The following TATDN3 variants were observed in gnomAD, a reference collection of about 807,000 sequenced individuals.
TATDN3 encodes the protein TatD DNase domain containing 3, also known as deoxyribonuclease TATDN3.
A neutral mutation model predicts 40.1 loss-of-function variants in TATDN3; 29 were observed. The ratio of observed to expected loss-of-function variants is 0.72; its 90% confidence interval spans 0.54 to 0.99. The LOEUF (loss-of-function observed/expected upper bound fraction) is 0.99. TATDN3 is among the 50% of genes least tolerant of loss of function. The pLI is 0.00. For missense variants in TATDN3, 309 were observed against 321.9 expected (o/e 0.96, Z 0.31); for synonymous variants, 105 against 117.0 (o/e 0.90, Z 0.66).
rs778322295 is a variant in TATDN3 at position 212,814,990 on chromosome 1, T to G, written c.682-23T>G. 9.4e-6 allele frequency: 15 copies of G among 1,601,994 alleles called. 1 individual carries two copies. In the South Asian group the frequency reaches 1.6e-4, roughly 17 times the overall value. ...CTTCCCTTCAGTGTCATGTTTGACA[T>G]GGTGTCTGCTGTCTTGTTTCAGGTA... On this transcript the variant is annotated intron_variant, in intron 9 of 9. Coordinates refer to ENST00000366974, the MANE Select transcript of TATDN3 (RefSeq NM_001042552.3).
chr1:212,796,153 G>T (rs963635396), intron 2 of TATDN3, among the ~76,000 whole-genome samples: 2 of 152,182 alleles, frequency 1.3e-5, no homozygotes, highest in Non-Finnish European at 2.9e-5. Context: ...AGCCAGAAAT[G>T]GTTGTAGTGC....
intron 5 of TATDN3, among the ~76,000 whole-genome samples, 156 bp from the exon 6 acceptor site, chr1:212,804,164 G>A (rs973839677): frequency 2.4e-4 from 36 of 152,284 alleles, no homozygotes; most frequent in African/African-American, 7.9e-4. Context: ...ACCTGTTTTT[G>A]TGAATATTTT....
chr1:212,806,799 CAT>C lies in TATDN3; in HGVS notation c.488-931_488-930del, dbSNP rs1234986133. On this transcript the variant is annotated intron_variant, in intron 7 of 9. Coordinates refer to ENST00000366974, the MANE Select transcript of TATDN3 (RefSeq NM_001042552.3). ...ATATATATATACACACACACACACA[CAT>C]ATATACACATATATACACATATATA... Among the ~76,000 whole-genome samples, 364 of 91,560 alleles carry C rather than the reference CAT, an allele frequency of 4.0e-3. 53 individuals carry two copies. Among genetic ancestry groups the C allele is most frequent in the Middle Eastern group, 5.6e-3 (1 of 178 alleles). 60.1% of individuals were successfully genotyped at this position (91,560 alleles called of 152,430 possible).
At chr1:212,796,712 C>A (rs1558076187) in intron 3 of TATDN3, 122 bp downstream of exon 3, 4 of 645,788 alleles carry the variant, frequency 6.2e-6, no homozygotes, top group Non-Finnish European at 1.0e-5. Context: ...TTAACATAGC[C>A]CTAAAGAGAT....
At chr1:212,806,201 G>A (rs1344946145) in intron 7 of TATDN3, among the ~76,000 whole-genome samples, 1 of 152,074 alleles carries the variant, frequency 6.6e-6, no homozygotes, top group Non-Finnish European at 1.5e-5. Context: ...TATTGAGTTT[G>A]TGTCACTTAG....
At chr1:212,798,462 C>T (rs763983213) in intron 4 of TATDN3, among the ~76,000 whole-genome samples, 63 of 146,952 alleles carry the variant, frequency 4.3e-4, no homozygotes, top group Non-Finnish European at 6.4e-4. Flanking sequence ...TTTGGGAGGC[C>T]GAGATGGGAG....
At chr1:212,797,021 C>A in intron 3 of TATDN3, 91 bp from the exon 4 acceptor site, 1 of 968,274 alleles carries the variant, frequency 1.0e-6, no homozygotes, top group Non-Finnish European at 1.6e-6. Context: ...CAGACATAAG[C>A]CACCATGCCC....
rs1189007229 is a variant in TATDN3 at position 212,815,702 on chromosome 1, T to C, written c.*546T>C. ...CCATGCCCAGCTAATTTTGTATTTT[T>C]AGTAGAGACAGGGTTTCTCCATGTT... On this transcript the variant is annotated 3_prime_UTR_variant, in exon 10 of 10. Transcript: ENST00000366974. The C allele has an allele frequency of 2.0e-5, 3 of 152,298 alleles. No homozygotes were observed. Among genetic ancestry groups the C allele is most frequent in the African/African-American group, 7.2e-5 (3 of 41,398 alleles). The allele number at this position is 152,298 out of a possible 1,614,324, so 9.4% of individuals were successfully genotyped here. A position where few individuals can be genotyped will look rare whatever the true frequency, so the allele number is the denominator to read the frequency against.
In TATDN3 at chr1:212,812,255, A is replaced by G. The variant is rs1417604268; in HGVS notation, c.608A>G (p.Lys203Arg). 1.3e-6 allele frequency: 2 copies of G among 1,574,510 alleles called. No individual in the cohort carries two copies. Among genetic ancestry groups the G allele is most frequent in the East Asian group, 4.6e-5 (2 of 43,110 alleles). ...PSIIRSGQKQ[K>R]LVKQLPLTSI... ...CTTTCTCTTTTCTCTAAGAAGCAGA[A>G]ACTTGTGAAACAATTGCCTTTAACT... Residue 203 changes from lysine (K) to arginine (R), a missense_variant, in exon 9 of 10, where the codon AAA becomes AGA. By Grantham distance (26) the Lys-to-Arg change is conservative (BLOSUM62 2). Coordinates refer to ENST00000366974, the MANE Select transcript of TATDN3 (RefSeq NM_001042552.3).
chr1:212,811,321 C>T (rs1324677311), intron 8 of TATDN3, among the ~76,000 whole-genome samples: 3 of 151,964 alleles, frequency 2.0e-5, no homozygotes, highest in African/African-American at 4.8e-5. Context: ...TTAGTAGAGA[C>T]GGGGTTTCAC....
chr1:212,794,636 C>A, intron 1 of TATDN3: 2 of 395,594 alleles, frequency 5.1e-6, no homozygotes, highest in South Asian at 1.8e-5. Context: ...GATGATAAAA[C>A]CATGAGAGGA....
intron 9 of TATDN3, among the ~76,000 whole-genome samples, chr1:212,814,083 G>A (rs1383093998): frequency 6.6e-6 from 1 of 151,828 alleles, no homozygotes; most frequent in Non-Finnish European, 1.5e-5. Context: ...GCCTTCCTAA[G>A]TGCTAAGATT....
chr1:212,814,474 A>C (rs536528701), intron 9 of TATDN3, among the ~76,000 whole-genome samples: 21 of 152,070 alleles, frequency 1.4e-4, no homozygotes, highest in Non-Finnish European at 2.5e-4. Context: ...AAACACTGCC[A>C]GTTATACTAT....
At chr1:212,804,522 C>G in intron 6 of TATDN3, 74 bp from the exon 7 acceptor site, 1 of 1,565,552 alleles carries the variant, frequency 6.4e-7, no homozygotes, top group Non-Finnish European at 8.7e-7. Flanking sequence ...TTATTTTTCT[C>G]CAAACTACTT....
chr1:212,802,545 C>T (rs1236984754), intron 4 of TATDN3, among the ~76,000 whole-genome samples, 156 bp from the exon 5 acceptor site: 1 of 152,184 alleles, frequency 6.6e-6, no homozygotes, highest in Admixed American at 6.5e-5. Flanking sequence ...AGGTACTCAC[C>T]ATTTTAGAAG....
intron 2 of TATDN3, among the ~76,000 whole-genome samples, chr1:212,795,855 GA>G (rs1661724084): frequency 6.6e-6 from 1 of 152,138 alleles, no homozygotes; most frequent in African/African-American, 2.4e-5. Flanking sequence ...TATAGATGAG[GA>G]ATCTAAGGCC....
At chr1:212,793,514 A>G (rs1571942896) in intron 1 of TATDN3, among the ~76,000 whole-genome samples, 1 of 152,164 alleles carries the variant, frequency 6.6e-6, no homozygotes, top group East Asian at 1.9e-4. Flanking sequence ...GCATGATGCT[A>G]TCCATTTTAA....
chr1:212,803,480 G>A (rs1259306306), intron 5 of TATDN3, among the ~76,000 whole-genome samples: 4 of 151,866 alleles, frequency 2.6e-5, no homozygotes, highest in Non-Finnish European at 4.4e-5. Flanking sequence ...AATCGTGCCC[G>A]GCCAATTGTG....
chr1:212,811,294 G>A (rs1261539825), intron 8 of TATDN3, among the ~76,000 whole-genome samples: 3 of 151,976 alleles, frequency 2.0e-5, no homozygotes, highest in East Asian at 1.9e-4. Context: ...CACTACGCCC[G>A]GCTAATTTTT....
Sources: allele counts gnomAD v4.1 joint callset (sites outside exome capture counted in the v4.1 genomes callset), GRCh38; gene constraint gnomAD v4.1.1; transcripts MANE v1.5; gene names NCBI Gene and HGNC (gene_info 2026-07-23, HGNC 2026-07-21).